Variants in LYST observed in about 807,000 individuals in gnomAD.
The protein encoded by LYST is lysosomal trafficking regulator, also known as lysosomal-trafficking regulator.
Under a neutral mutation model 413.6 loss-of-function variants are expected in LYST, and 192 were observed. That is an observed-to-expected ratio of 0.46 (90% CI 0.41 to 0.52). The LOEUF (loss-of-function observed/expected upper bound fraction) is 0.52. Ranked by LOEUF, LYST falls within the 20% of genes least tolerant of loss-of-function variation. LYST has a pLI of 0.00. For synonymous variants in LYST, 1,525 were observed against 1,567.3 expected (o/e 0.97, Z 0.64); for missense variants, 3,815 against 4,499.9 (o/e 0.85, Z 4.35).
At position 235,810,418 on chromosome 1, in the gene LYST, A is replaced by G; in HGVS notation, c.400T>C (p.Ser134Pro). ...TTTCGAAAAACATTTACTTTTGCAG[A>G]AACCTGACTAGACAGGGCACTTCCT... is the stretch of plus-strand genomic sequence containing the variant. The part of the protein sequence containing the change: ...LEGSALSSQV[S>P]AKVNVFRKSR... Residue 134 changes from serine to proline, a missense_variant, in exon 5 of 53, where the codon TCT becomes CCT. Around this residue, in one of 4 missense-constraint regions of LYST, gnomAD observed 1,648 missense variants for 1,810.3 expected, o/e 0.91. Transcript: ENST00000389793. 1 of 1,612,002 alleles carries G rather than the reference A, an allele frequency of 6.2e-7. No homozygotes were observed. Among genetic ancestry groups the G allele is most frequent in the Middle Eastern group, 1.7e-4 (1 of 6,046 alleles).
intron 17 of LYST, among the ~76,000 whole-genome samples, chr1:235,775,892 T>A (rs1284922175): frequency 6.6e-6 from 1 of 152,108 alleles, no homozygotes; most frequent in Admixed American, 6.6e-5. Flanking sequence ...AATTTTATTT[T>A]TGTAGGGGAG....
chr1:235,807,782 T>C (rs1346179888), intron 5 of LYST, among the ~76,000 whole-genome samples: 1 of 152,134 alleles, frequency 6.6e-6, no homozygotes, highest in African/African-American at 2.4e-5. Flanking sequence ...AATATTCTTA[T>C]TTTTGTTTAT....
chr1:235,733,837 G>C lies in LYST; in HGVS notation c.8605C>G (p.Gln2869Glu). Residue 2869 changes from glutamine (Q) to glutamate (E), a missense_variant, in exon 33 of 53, where the codon CAA (glutamine) becomes GAA (glutamate). By Grantham distance (29) the Gln-to-Glu change is conservative. Transcript: ENST00000389793. Reference sequence around the variant, plus strand: ...GAACATATAAAATCTTACCTTTGTTGATTATTGTTAACTGTTTTCTGCCAA... The same window carrying C: ...GAACATATAAAATCTTACCTTTGTTCATTATTGTTAACTGTTTTCTGCCAA... ...AAWQKTVNNN[Q>E]QSLFQRLDSK... 6.3e-7 allele frequency: 1 copy of C among 1,594,586 alleles called. No homozygotes were observed. Among genetic ancestry groups the C allele is most frequent in the Non-Finnish European group, 8.6e-7 (1 of 1,162,466 alleles).
chr1:235,700,167 T>C (rs1661428237), intron 45 of LYST, among the ~76,000 whole-genome samples: 1 of 152,104 alleles, frequency 6.6e-6, no homozygotes, highest in African/African-American at 2.4e-5. Flanking sequence ...ATTCAGGACA[T>C]AGGCACGGGC....
intron 29 of LYST, among the ~76,000 whole-genome samples, chr1:235,745,273 A>C (rs1028071374): frequency 6.6e-6 from 1 of 152,078 alleles, no homozygotes; most frequent in Admixed American, 6.6e-5. Flanking sequence ...TATTTCTTTG[A>C]ATAGCTTTTT....
rs1388338150 is a variant in LYST at position 235,854,148 on chromosome 1, TA to T, written c.-98+12694del. On this transcript the variant is annotated intron_variant, in intron 1 of 52. Coordinates refer to ENST00000389793, the MANE Select transcript of LYST (RefSeq NM_000081.4). The surrounding 1 kb of genome is among the most constrained non-coding windows in gnomAD (Gnocchi z 4.1). The stretch of plus-strand genomic sequence containing the variant: ...TGATGATGATAATCTGGCTAACACC[TA>T]CAGTGATTAATTACTACACATCAGG... 1.3e-5 allele frequency among the ~76,000 whole-genome samples: 2 copies of T among 152,132 alleles called. No homozygotes were observed. Among genetic ancestry groups the T allele is most frequent in the African/African-American group, 4.8e-5 (2 of 41,400 alleles).
intron 1 of LYST, among the ~76,000 whole-genome samples, chr1:235,859,831 G>A (rs1020701463): frequency 1.3e-5 from 2 of 152,146 alleles, no homozygotes; most frequent in African/African-American, 4.8e-5. Flanking sequence ...AAGGGATGTT[G>A]TCAGGGTTAA....
chr1:235,803,159 A>T (rs1672429615), intron 7 of LYST, 95 bp from the exon 8 acceptor site: 2 of 1,016,798 alleles, frequency 2.0e-6, no homozygotes, highest in Non-Finnish European at 3.0e-6. Flanking sequence ...CAGTTTCAAT[A>T]TTTTCTTGAA....
chr1:235,704,950 AC>A (rs1240531715), intron 44 of LYST, among the ~76,000 whole-genome samples: 1 of 152,198 alleles, frequency 6.6e-6, no homozygotes, highest in Non-Finnish European at 1.5e-5. Flanking sequence ...TTCTAAGTGA[AC>A]CCCATGTATT....
chr1:235,734,852 T>TG (rs1664686852), intron 31 of LYST, 193 bp from the exon 32 acceptor site: 8 of 459,986 alleles, frequency 1.7e-5, no homozygotes, highest in Middle Eastern at 5.6e-4. Flanking sequence ...AGAGGATTAA[T>TG]GCTAATTTTG....
intron 27 of LYST, among the ~76,000 whole-genome samples, 192 bp from the exon 28 acceptor site, chr1:235,751,554 T>TA (rs1206320669): frequency 2.6e-5 from 4 of 152,330 alleles, no homozygotes; most frequent in African/African-American, 7.2e-5. Flanking sequence ...AAATGGTCAC[T>TA]AAAAAACCTT....
intron 1 of LYST, among the ~76,000 whole-genome samples, chr1:235,876,489 G>A (rs964494183): frequency 6.6e-5 from 10 of 152,202 alleles, no homozygotes; most frequent in Non-Finnish European, 1.3e-4. Context: ...GATAAACGAG[G>A]AAGCTGATGA....
intron 45 of LYST, among the ~76,000 whole-genome samples, chr1:235,698,056 T>C (rs574432101): frequency 6.6e-6 from 1 of 152,302 alleles, no homozygotes; most frequent in African/African-American, 2.4e-5. Context: ...ATGATGCCCT[T>C]TTAAAGAGTT....
intron 10 of LYST, among the ~76,000 whole-genome samples, chr1:235,798,947 T>G (rs1020478627): frequency 6.6e-6 from 1 of 152,170 alleles, no homozygotes; most frequent in Middle Eastern, 3.2e-3. Flanking sequence ...GTAAATAAAC[T>G]GCCTACTACA....
intron 46 of LYST, among the ~76,000 whole-genome samples, chr1:235,696,482 T>C (rs1243809894): frequency 6.6e-6 from 1 of 152,228 alleles, no homozygotes; most frequent in African/African-American, 2.4e-5. Context: ...AAGAGTTCTT[T>C]TGTTTCTAGT....
chr1:235,691,918 G>A (rs1023210114), intron 47 of LYST, among the ~76,000 whole-genome samples: 1 of 150,816 alleles, frequency 6.6e-6, no homozygotes, highest in African/African-American at 2.4e-5. Flanking sequence ...GGCTGGTCTC[G>A]AACTCCTGAC....
chr1:235,726,663 A>C (rs1334632191), intron 38 of LYST, among the ~76,000 whole-genome samples: 1 of 152,192 alleles, frequency 6.6e-6, no homozygotes, highest in Non-Finnish European at 1.5e-5. Context: ...TTGAAAAAAA[A>C]ATTTTCCTCT....
chr1:235,774,102 A>G (rs1420566409), intron 18 of LYST, 111 bp from the exon 19 acceptor site: 3 of 768,416 alleles, frequency 3.9e-6, no homozygotes, highest in African/African-American at 3.5e-5. Context: ...AAGGAAAGCT[A>G]GTAAATAATT....
intron 18 of LYST, among the ~76,000 whole-genome samples, chr1:235,774,540 A>C (rs1165061892): frequency 6.6e-6 from 1 of 152,174 alleles, no homozygotes; most frequent in Non-Finnish European, 1.5e-5. Flanking sequence ...GCAGTGCCTA[A>C]TGGAATGGTA....
Sources: gnomAD v4.1 joint callset for allele counts (sites outside exome capture counted in the v4.1 genomes callset) on GRCh38, gnomAD v4.1.1 for gene constraint, gnomAD v4.1.1 regional missense constraint, Gnocchi (gnomAD v3.1) non-coding constraint, MANE v1.5 for transcripts, NCBI Gene and HGNC (gene_info 2026-07-23, HGNC 2026-07-21) for gene names.